Variants in MRPL9 observed in about 807,000 individuals in gnomAD.
MRPL9 encodes large ribosomal subunit protein bL9m.
A neutral mutation model predicts 27.6 loss-of-function variants in MRPL9; 25 were observed. The ratio of observed to expected loss-of-function variants is 0.91; its 90% CI spans 0.66 to 1.27. The LOEUF (loss-of-function observed/expected upper bound fraction) is 1.27. Ranked by LOEUF, MRPL9 falls within the 50% of genes most tolerant of loss-of-function variation. MRPL9 has a pLI of 0.00. For missense variants in MRPL9, 362 were observed against 338.0 expected (o/e 1.07, Z -0.56); for synonymous variants, 154 against 139.0 (o/e 1.11, Z -0.76).
In MRPL9 at chr1:151,762,107, C is replaced by T; in HGVS notation, c.484G>A (p.Ala162Thr). 1.9e-6 allele frequency: 3 copies of T among 1,614,154 alleles called. No individual in the cohort carries two copies. Among genetic ancestry groups the T allele is most frequent in the South Asian group, 1.1e-5 (1 of 91,084 alleles). The change falls in exon 4 of 7, where the codon GCG becomes ACG. Residue 162 changes from alanine (A) to threonine (T), a missense_variant and splice_region_variant. Coordinates refer to ENST00000368830, the MANE Select transcript of MRPL9 (RefSeq NM_031420.4). The stretch of plus-strand genomic sequence containing the variant: ...ACACTTTTTATGTTTCTACTCACCG[C>T]CTCACCTGCCTTGGTCTGGATCTTC... Reference protein sequence around the residue: ...LEKIQTKAGEATVKFLKSCRL... With the variant: ...LEKIQTKAGETTVKFLKSCRL...
At chr1:151,762,872 T>C (rs910271578) in intron 2 of MRPL9, 118 bp downstream of exon 2, 28 of 1,216,878 alleles carry the variant, frequency 2.3e-5, no homozygotes, top group Admixed American at 1.4e-4. Flanking sequence ...TTCTCACATA[T>C]AGAGTTGGAT....
chr1:151,760,264 A>G, intron 6 of MRPL9, 83 bp from the exon 7 acceptor site: 1 of 1,562,370 alleles, frequency 6.4e-7, no homozygotes, highest in South Asian at 1.1e-5. Context: ...TTTCACCCTG[A>G]CTTTTCTCCC....
Position 151,760,201 on chromosome 1 carries a change from A to T in MRPL9, c.673-20T>A. ...ATTTACCTGCACACAAAACAATGGG[A>T]ATTCTCAGAGATCAGTCAGGTAAGT... On this transcript the variant is annotated intron_variant, in intron 6 of 6. Coordinates refer to ENST00000368830, the MANE Select transcript of MRPL9 (RefSeq NM_031420.4). 6.2e-7 allele frequency: 1 copy of T among 1,613,880 alleles called. No homozygotes were observed. Among genetic ancestry groups the T allele is most frequent in the Non-Finnish European group, 8.5e-7 (1 of 1,179,914 alleles).
chr1:151,761,420 G>A (rs1648074273), intron 5 of MRPL9, 31 bp downstream of exon 5: 2 of 1,498,122 alleles, frequency 1.3e-6, no homozygotes, highest in African/African-American at 1.4e-5. Context: ...CCACCTCAGG[G>A]GTAGAGTGGT....
At chr1:151,760,261 C>G in intron 6 of MRPL9, 80 bp from the exon 7 acceptor site, 2 of 1,568,392 alleles carry the variant, frequency 1.3e-6, no homozygotes, top group Non-Finnish European at 1.7e-6. Context: ...GCTTTTCACC[C>G]TGACTTTTCT....
rs1648141721 is a variant in MRPL9 at position 151,762,500 on chromosome 1, T to G, written c.311A>C (p.Asn104Thr). Residue 104 changes from asparagine (N) to threonine (T), a missense_variant and splice_region_variant, in exon 3 of 7, where the codon AAT becomes ACT. By Grantham distance (65) the Asn-to-Thr change is moderately conservative. Coordinates refer to ENST00000368830, the MANE Select transcript of MRPL9 (RefSeq NM_031420.4). ...GACCAGGTCACCCCGGACTCCAACA[T>G]CTGTCAATTAGAACAGAGACAGGGG... ...LELILTQSVE[N>T]VGVRGDLVSV... 1 of 1,613,870 alleles carries G rather than the reference T, an allele frequency of 6.2e-7. No homozygotes were observed. The highest frequency in any genetic ancestry group is 8.5e-7 in the Non-Finnish European group (1 of 1,179,824).
In MRPL9 at chr1:151,761,497, T is replaced by G; in HGVS notation, c.542A>C (p.Lys181Thr). 4.3e-6 allele frequency: 7 copies of G among 1,614,134 alleles called. No individual in the cohort carries two copies. Among genetic ancestry groups the G allele is most frequent in the Non-Finnish European group, 5.9e-6 (7 of 1,179,978 alleles). The part of the protein sequence containing the change: ...RLEVGMKNNV[K>T]WELNPEIVAR... The stretch of plus-strand genomic sequence containing the variant: ...AACTATTTCAGGGTTCAGCTCCCAT[T>G]TGACATTGTTCTTCATCCCTACCTC... Residue 181 changes from lysine to threonine, a missense_variant, in exon 5 of 7, where the codon AAA becomes ACA. Transcript: ENST00000368830.
chr1:151,760,824 C>T lies in MRPL9; in HGVS notation c.664G>A (p.Glu222Lys). Residue 222 changes from glutamate (E) to lysine (K), a missense_variant, in exon 6 of 7, where the codon GAG becomes AAG. Coordinates refer to ENST00000368830, the MANE Select transcript of MRPL9 (RefSeq NM_031420.4). ...GTATGCAAAACACTCACCGTCACCT[C>T]ACACCAATACTCGCCCCACCGTGTG... is the stretch of plus-strand genomic sequence containing the variant. ...PITRWGEYWC[E>K]VTVNGLDTVR... The T allele has an allele frequency of 6.3e-7, 1 of 1,586,448 alleles. No homozygotes were observed. Among genetic ancestry groups the T allele is most frequent in the Non-Finnish European group, 8.5e-7 (1 of 1,171,914 alleles).
rs1648216316 is a variant in MRPL9 at position 151,763,415 on chromosome 1, A to G, written c.65T>C (p.Leu22Pro). ...ALLRAGAGRL[L>P]RGGVQELLRP... ...CAGTAGCTCCTGGACGCCTCCCCGA[A>G]GCAGCCGTCCAGCGCCCGCCCGCAG... The change falls in exon 1 of 7, where the codon CTT becomes CCT. Residue 22 changes from leucine (L) to proline (P), a missense_variant. By Grantham distance (98) the Leu-to-Pro change is moderately conservative (BLOSUM62 -3). Coordinates refer to ENST00000368830, the MANE Select transcript of MRPL9 (RefSeq NM_031420.4). 4.5e-6 allele frequency: 7 copies of G among 1,565,588 alleles called. No individual in the cohort carries two copies. In the South Asian group the frequency reaches 7.0e-5, roughly 16 times the overall value.
Position 151,759,984 on chromosome 1 carries a change from G to A in MRPL9, c.*66C>T. 5 of 1,581,458 alleles carry A rather than the reference G, an allele frequency of 3.2e-6. No individual in the cohort carries two copies. Among genetic ancestry groups the A allele is most frequent in the Non-Finnish European group, 4.3e-6 (5 of 1,163,194 alleles). ...TTGGTCAGAGCTGGGAGTGAGATCA[G>A]GGTGCTTGCACATTTCTGCTCCACT... On this transcript the variant is annotated 3_prime_UTR_variant, in exon 7 of 7. Transcript: ENST00000368830.
intron 4 of MRPL9, 78 bp from the exon 5 acceptor site, chr1:151,761,630 C>T (rs1411990805): frequency 9.2e-7 from 1 of 1,085,876 alleles, no homozygotes; most frequent in African/African-American, 1.5e-5. Context: ...AGCAAGATGG[C>T]TCATGCCTGT....
rs371205730 is a variant in MRPL9, at chr1:151,762,167, A to C, written c.436-12T>G. On this transcript the variant is annotated splice_polypyrimidine_tract_variant and intron_variant, in intron 3 of 6. Coordinates refer to ENST00000368830, the MANE Select transcript of MRPL9 (RefSeq NM_031420.4). ...CCTTCTTGTCTCAGCTAGAAAAGAA[A>C]GTTAAAGATGAAAAGCAGTAAAAGA... 13 of 1,613,886 alleles carry C rather than the reference A, an allele frequency of 8.1e-6. No individual in the cohort carries two copies. Among genetic ancestry groups the C allele is most frequent in the African/African-American group, 6.7e-5 (5 of 74,938 alleles).
intron 5 of MRPL9, 152 bp from the exon 6 acceptor site, chr1:151,761,051 G>C: frequency 1.6e-6 from 1 of 643,064 alleles, no homozygotes; most frequent in Non-Finnish European, 2.6e-6. Context: ...TTCCATGGGA[G>C]AGAAGGGCAT....
Position 151,759,921 on chromosome 1 carries a change from C to A in MRPL9, c.*129G>T. On this transcript the variant is annotated 3_prime_UTR_variant, in exon 7 of 7. Transcript: ENST00000368830. ...AAGAATTCAACATGTATACGCAGTG[C>A]AGTCTGATGTCTTCAGATGTTCTCT... The A allele has an allele frequency of 8.3e-7, 1 of 1,210,076 alleles. No homozygotes were observed. Among genetic ancestry groups the A allele is most frequent in the East Asian group, 2.5e-5 (1 of 40,496 alleles). The allele number at this position is 1,210,076 out of a possible 1,614,324, so 75.0% of individuals were successfully genotyped here.
chr1:151,760,781 AAG>A, intron 6 of MRPL9, 33 bp downstream of exon 6: 1 of 1,527,450 alleles, frequency 6.5e-7, no homozygotes, highest in East Asian at 2.3e-5. Context: ...GAAAAGGAGA[AAG>A]AAAAGAAAAA....
At chr1:151,762,212 T>C (rs1335548632) in intron 3 of MRPL9, 57 bp from the exon 4 acceptor site, 4 of 1,590,212 alleles carry the variant, frequency 2.5e-6, no homozygotes, top group African/African-American at 2.7e-5. Context: ...CCATGTTAAA[T>C]AGCATCAAAC....
chr1:151,760,832 T>C lies in MRPL9; in HGVS notation c.656A>G (p.Tyr219Cys). ...PEEPITRWGE[Y>C]WCEVTVNGLD... ...AACACTCACCGTCACCTCACACCAA[T>C]ACTCGCCCCACCGTGTGATAGGCTC... The change falls in exon 6 of 7, where the codon TAT (tyrosine) becomes TGT (cysteine). Residue 219 changes from tyrosine to cysteine, a missense_variant. By Grantham distance (194) the Tyr-to-Cys change is radical (BLOSUM62 -2). Coordinates refer to ENST00000368830, the MANE Select transcript of MRPL9 (RefSeq NM_031420.4). 1 of 1,592,940 alleles carries C rather than the reference T, an allele frequency of 6.3e-7. No individual in the cohort carries two copies. Among genetic ancestry groups the C allele is most frequent in the Non-Finnish European group, 8.5e-7 (1 of 1,174,742 alleles).
At chr1:151,761,398 C>A (rs75061466) in intron 5 of MRPL9, 53 bp downstream of exon 5, 2 of 1,286,162 alleles carry the variant, frequency 1.6e-6, no homozygotes, top group African/African-American at 1.5e-5. Context: ...GCCTCCTTTC[C>A]AGAGGCAGCT....
chr1:151,760,771 G>C, intron 6 of MRPL9, 45 bp downstream of exon 6: 2 of 1,494,550 alleles, frequency 1.3e-6, no homozygotes, highest in Non-Finnish European at 1.8e-6. Context: ...AAAAGTGGGG[G>C]AAAAGGAGAA....
Sources: gnomAD v4.1 joint callset for allele counts on GRCh38, gnomAD v4.1.1 for gene constraint, MANE v1.5 for transcripts, NCBI Gene and HGNC (gene_info 2026-07-23, HGNC 2026-07-21) for gene names.